Variants in SLC2A12 observed in about 807,000 individuals in gnomAD.
SLC2A12 encodes the protein solute carrier family 2, facilitated glucose transporter member 12.
SLC2A12 carries 23 observed loss-of-function variants against 41.8 expected under a neutral mutation model. The ratio of observed to expected loss-of-function variants is 0.55; its 90% CI spans 0.40 to 0.78. The LOEUF is 0.78. SLC2A12 is among the 30% of genes least tolerant of loss of function. The pLI is 0.00. For synonymous variants in SLC2A12, 295 were observed against 285.9 expected, an observed-to-expected ratio of 1.03 and a Z score of -0.32; for missense variants, 654 against 745.6, an observed-to-expected ratio of 0.88 and a Z score of 1.43.
chr6:133,992,973 T>C (rs537091240), intron 4 of SLC2A12, among the ~76,000 whole-genome samples: 1 of 152,306 alleles, frequency 6.6e-6, no homozygotes, highest in South Asian at 2.1e-4. Flanking sequence ...TCCAACCACA[T>C]CAGTCAGCTT....
intron 1 of SLC2A12, among the ~76,000 whole-genome samples, chr6:134,040,013 C>G (rs960728085): frequency 1.3e-5 from 2 of 151,218 alleles, no homozygotes; most frequent in Admixed American, 6.6e-5. Flanking sequence ...CCAGTAAAGC[C>G]TCTTTTTTAA....
At chr6:134,002,364 A>G (rs1776763322) in intron 3 of SLC2A12, among the ~76,000 whole-genome samples, 1 of 152,134 alleles carries the variant, frequency 6.6e-6, no homozygotes. Flanking sequence ...ATCACAATTT[A>G]CACCCAATGT....
At chr6:134,039,628 T>A (rs948229469) in intron 1 of SLC2A12, among the ~76,000 whole-genome samples, 4 of 152,150 alleles carry the variant, frequency 2.6e-5, no homozygotes, top group African/African-American at 9.7e-5. Flanking sequence ...AGTTTTTTTT[T>A]AATCACAATT....
rs1776596472 is a variant in SLC2A12 at position 133,989,873 on chromosome 6, A to G, written c.*1282T>C. The G allele has an allele frequency of 6.6e-6, 1 of 152,196 alleles. No individual in the cohort carries two copies. Among genetic ancestry groups the G allele is most frequent in the Non-Finnish European group, 1.5e-5 (1 of 68,016 alleles). The allele number at this position is 152,196 out of a possible 1,614,324, so 9.4% of individuals were successfully genotyped here. A position where few individuals can be genotyped will look rare whatever the true frequency, so the allele number is the denominator to read the frequency against. On this transcript the variant is annotated 3_prime_UTR_variant, in exon 5 of 5. Transcript: ENST00000275230. ...ATTCTCTTTTCTTCAGGTTAATCAT[A>G]TTTTAAAATTCTTTTTCAAGTTAGG...
chr6:134,031,515 G>A (rs1357983539), intron 1 of SLC2A12, among the ~76,000 whole-genome samples: 2 of 152,120 alleles, frequency 1.3e-5, no homozygotes, highest in African/African-American at 4.8e-5. Flanking sequence ...TGAGCAGGTG[G>A]GTGGGTGATT....
chr6:134,042,445 G>C (rs536515903), intron 1 of SLC2A12, among the ~76,000 whole-genome samples: 1 of 151,868 alleles, frequency 6.6e-6, no homozygotes, highest in African/African-American at 2.4e-5. Flanking sequence ...GAGAGAAAAG[G>C]CTAAAGTGCT....
chr6:134,028,492 T>G lies in SLC2A12; in HGVS notation c.1333A>C (p.Thr445Pro). ...ASLLNAGLSHTEYQIVTDPGD... is the reference protein window; with the variant it reads ...ASLLNAGLSHPEYQIVTDPGD... Reference sequence around the variant, plus strand: ...GGGTCTGTGACTATCTGGTATTCAGTGTGGCTTAATCCAGCATTTAGCAAG... The same window carrying G: ...GGGTCTGTGACTATCTGGTATTCAGGGTGGCTTAATCCAGCATTTAGCAAG... The change falls in exon 2 of 5, where the codon ACT (threonine) becomes CCT (proline). Residue 445 changes from threonine to proline, a missense_variant. Thr to Pro is a conservative substitution (Grantham distance 38, BLOSUM62 -1). This residue lies in a region of SLC2A12 where 411 missense variants were observed against 412.1 expected (regional missense o/e 1.00). Coordinates refer to ENST00000275230, the MANE Select transcript of SLC2A12 (RefSeq NM_145176.3). The G allele has an allele frequency of 6.2e-7, 1 of 1,614,214 alleles. No homozygotes were observed. Among genetic ancestry groups the G allele is most frequent in the Non-Finnish European group, 8.5e-7 (1 of 1,180,028 alleles).
At chr6:134,016,792 C>T (rs145846683) in intron 2 of SLC2A12, among the ~76,000 whole-genome samples, 1 of 152,264 alleles carries the variant, frequency 6.6e-6, no homozygotes, top group East Asian at 1.9e-4. Context: ...TCTTTTAGTA[C>T]TATTATCAAC....
At chr6:134,028,040 T>C (rs904752513) in intron 2 of SLC2A12, among the ~76,000 whole-genome samples, 16 of 152,168 alleles carry the variant, frequency 1.1e-4, no homozygotes, top group South Asian at 2.1e-4. Flanking sequence ...AGAGATGATA[T>C]AGAGGAAAAT....
chr6:134,042,902 GC>G lies in SLC2A12; in HGVS notation c.103+9475del, dbSNP rs1435055811. On this transcript the variant is annotated intron_variant, in intron 1 of 4. Coordinates refer to ENST00000275230, the MANE Select transcript of SLC2A12 (RefSeq NM_145176.3). ...GAATTGCTTGAACCTAAAACATCAA[GC>G]CTGCAGTGAGCTGTGATTCTGCCAC... Among the ~76,000 whole-genome samples, 21 of 152,122 alleles carry G rather than the reference GC, an allele frequency of 1.4e-4. No homozygotes were observed. In the East Asian group the frequency reaches 3.7e-3, roughly 27 times the overall value.
At chr6:134,043,695 G>C (rs368784470) in intron 1 of SLC2A12, among the ~76,000 whole-genome samples, 11 of 151,252 alleles carry the variant, frequency 7.3e-5, no homozygotes, top group African/African-American at 2.4e-4. Flanking sequence ...GGGAGGCTGA[G>C]GCAGAAGAAT....
chr6:134,037,210 A>G (rs1484450621), intron 1 of SLC2A12, among the ~76,000 whole-genome samples: 1 of 128,646 alleles, frequency 7.8e-6, no homozygotes, highest in Non-Finnish European at 1.5e-5. Flanking sequence ...GCTGGAGTGC[A>G]GTGGCGCGAT....
intron 1 of SLC2A12, among the ~76,000 whole-genome samples, chr6:134,032,466 T>TATAAATATA (rs1562201745): frequency 3.0e-5 from 1 of 33,210 alleles, no homozygotes; most frequent in African/African-American, 1.5e-4. Flanking sequence ...ATATATATAT[T>TATAAATATA]TTTATATATA....
chr6:134,011,863 G>A (rs1372918186), intron 2 of SLC2A12, among the ~76,000 whole-genome samples: 1 of 152,048 alleles, frequency 6.6e-6, no homozygotes, highest in Non-Finnish European at 1.5e-5. Context: ...CCAGCATTGT[G>A]AAACCTCATC....
At chr6:134,047,631 G>C (rs2114514468) in intron 1 of SLC2A12, among the ~76,000 whole-genome samples, 1 of 152,296 alleles carries the variant, frequency 6.6e-6, no homozygotes, top group East Asian at 1.9e-4. Context: ...TCACAGGAAA[G>C]ATACCCTGTG....
Position 134,006,190 on chromosome 6 carries a change from AAAC to A in SLC2A12, c.1567+619_1567+621del, listed in dbSNP as rs1205639568. Among the ~76,000 whole-genome samples, 13 of 139,304 alleles carry A rather than the reference AAAC, an allele frequency of 9.3e-5. 1 individual carries two copies. Among genetic ancestry groups the A allele is most frequent in the South Asian group, 7.8e-4 (3 of 3,822 alleles). 91.4% of individuals were successfully genotyped at this position (139,304 alleles called of 152,430 possible). ...AGAGACTATCGGAAAAAAAAAAAAA[AAAC>A]AAAAAAAAAAACAGAGAAACAGAGA... On this transcript the variant is annotated intron_variant, in intron 3 of 4. Transcript: ENST00000275230.
chr6:134,001,864 A>G, intron 4 of SLC2A12, 133 bp downstream of exon 4: 3 of 937,796 alleles, frequency 3.2e-6, no homozygotes, highest in Non-Finnish European at 3.0e-6. Flanking sequence ...GCACTGAGAC[A>G]TAGTCTTACG....
In SLC2A12 at chr6:133,987,660, A is replaced by ATATATATATATATATATATATATATG. The variant is rs1014795332; in HGVS notation, c.*3494_*3495insCATATATATATATATATATATATATA. On this transcript the variant is annotated 3_prime_UTR_variant, in exon 5 of 5. Coordinates refer to ENST00000275230, the MANE Select transcript of SLC2A12 (RefSeq NM_145176.3). ...TGTGTGTGTGTGTGTATATATATAT[A>ATATATATATATATATATATATATATG]TATATATGCACCACATGTGTATAGT... 3.9e-4 allele frequency: 56 copies of ATATATATATATATATATATATATATG among 145,088 alleles called. No homozygotes were observed. The highest frequency in any genetic ancestry group is 1.2e-3 in the African/African-American group (50 of 40,066). The allele number at this position is 145,088 out of a possible 1,614,324, so 9.0% of individuals were successfully genotyped here.
At chr6:134,028,276 C>A (rs1415781065) in intron 2 of SLC2A12, 105 bp downstream of exon 2, 3 of 1,406,844 alleles carry the variant, frequency 2.1e-6, no homozygotes, top group Middle Eastern at 2.6e-4. Flanking sequence ...ATCAGATGAC[C>A]AATGTTATCC....
Sources: allele counts gnomAD v4.1 joint callset (sites outside exome capture counted in the v4.1 genomes callset), GRCh38; gene constraint gnomAD v4.1.1; regional missense constraint gnomAD v4.1.1; transcripts MANE v1.5; gene names NCBI Gene and HGNC (gene_info 2026-07-23, HGNC 2026-07-21).